Variants in PTPRN observed in about 807,000 individuals in gnomAD.
PTPRN encodes protein tyrosine phosphatase receptor type N.
A neutral mutation model predicts 108.5 loss-of-function variants in PTPRN; 70 were observed. The ratio of observed to expected loss-of-function variants is 0.65; its 90% confidence interval spans 0.53 to 0.79. The LOEUF (loss-of-function observed/expected upper bound fraction) is 0.79. Ranked by LOEUF, PTPRN falls within the 30% of genes least tolerant of loss-of-function variation. The pLI, the probability that PTPRN is intolerant of heterozygous loss-of-function variation, is 0.00. For missense variants in PTPRN, 1,136 were observed against 1,295.5 expected, an observed-to-expected ratio of 0.88 and a Z score of 1.89; for synonymous variants, 496 against 524.6, an observed-to-expected ratio of 0.95 and a Z score of 0.75.
intron 19 of PTPRN, among the ~76,000 whole-genome samples, chr2:219,294,640 G>A (rs889111967): frequency 6.6e-6 from 1 of 151,684 alleles, no homozygotes; most frequent in Non-Finnish European, 1.5e-5. Context: ...AAAGGAAGCA[G>A]GGGTCCTGGA....
intron 19 of PTPRN, chr2:219,291,739 C>T: frequency 3.4e-6 from 2 of 595,088 alleles, no homozygotes; most frequent in Non-Finnish European, 6.0e-6. Context: ...AGCTAGGTGC[C>T]CAAGCTATGC....
intron 3 of PTPRN, chr2:219,307,240 T>C: frequency 2.1e-6 from 1 of 485,650 alleles, no homozygotes; most frequent in Non-Finnish European, 3.6e-6. Context: ...AGTGACTTCT[T>C]CTTAGAAGGC....
intron 8 of PTPRN, 145 bp downstream of exon 8, chr2:219,300,798 T>C (rs1952327097): frequency 1.2e-6 from 1 of 833,664 alleles, no homozygotes; most frequent in South Asian, 1.6e-5. Context: ...CCTTAGGCAA[T>C]AACTTGCGGT....
chr2:219,299,298 T>C lies in PTPRN; in HGVS notation c.1603+7A>G. On this transcript the variant is annotated splice_region_variant and intron_variant, in intron 11 of 22. Coordinates refer to ENST00000295718, the MANE Select transcript of PTPRN (RefSeq NM_002846.4). ...AAGCCTGGGATTGAGGTCGCAGAGA[T>C]ATTTACCTGCTTGTTGGGTCACATC... 7 of 1,613,900 alleles carry C rather than the reference T, an allele frequency of 4.3e-6. No individual in the cohort carries two copies. Among genetic ancestry groups the C allele is most frequent in the Non-Finnish European group, 5.9e-6 (7 of 1,179,770 alleles).
At position 219,297,763 on chromosome 2, in the gene PTPRN, A is replaced by G; in HGVS notation, c.1887+122T>C. ...TCCCACTGGGGCTTCTCCAGCCTCC[A>G]CTGGACCTTCCCAGGGATGAGGGCT... On this transcript the variant is annotated intron_variant, in intron 13 of 22. Transcript: ENST00000295718. This position sits in a 1 kb window ranked among gnomAD's most constrained non-coding sequence, Gnocchi z 6.0. 1 of 1,210,474 alleles carries G rather than the reference A, an allele frequency of 8.3e-7. No homozygotes were observed. 75.0% of individuals were successfully genotyped at this position (1,210,474 alleles called of 1,614,324 possible).
At position 219,307,800 on chromosome 2, in the gene PTPRN, C is replaced by A. The variant is rs1952521385; in HGVS notation, c.158G>T (p.Cys53Phe). The A allele has an allele frequency of 1.5e-5, 24 of 1,614,088 alleles. No individual in the cohort carries two copies. The highest frequency in any genetic ancestry group is 2.0e-5 in the Non-Finnish European group (24 of 1,180,044). Residue 53 changes from cysteine (C) to phenylalanine (F), a missense_variant, in exon 2 of 23, where the codon TGT (cysteine) becomes TTT (phenylalanine). Transcript: ENST00000295718. ...DRRLCSHLEV[C>F]IQDGLFGQCQ... ...GCTTGGGCCTCACTCACCCTGAATACAGACTTCCAGGTGAGAGCAGAGCCT... is the reference window on the plus strand; with the variant it reads ...GCTTGGGCCTCACTCACCCTGAATAAAGACTTCCAGGTGAGAGCAGAGCCT...
At chr2:219,309,176 T>TCCCCCCC in intron 1 of PTPRN, 42 bp downstream of exon 1, 35 of 1,364,268 alleles carry the variant, frequency 2.6e-5, no homozygotes, top group Non-Finnish European at 2.9e-5. Context: ...CCCAAGCTGC[T>TCCCCCCC]CCCCGCCCCC....
chr2:219,297,186 C>T lies in PTPRN; in HGVS notation c.2088+47G>A. The T allele has an allele frequency of 6.2e-7, 1 of 1,610,950 alleles. No individual in the cohort carries two copies. Among genetic ancestry groups the T allele is most frequent in the Non-Finnish European group, 8.5e-7 (1 of 1,177,934 alleles). Reference sequence around the variant, plus strand: ...CCCACACAGCCAGCCTGGCCTCTCTCACCATCCCATTCCTTCACCCACTCT... The same window carrying T: ...CCCACACAGCCAGCCTGGCCTCTCTTACCATCCCATTCCTTCACCCACTCT... On this transcript the variant is annotated intron_variant, in intron 14 of 22. Coordinates refer to ENST00000295718, the MANE Select transcript of PTPRN (RefSeq NM_002846.4). The surrounding 1 kb of genome is among the most constrained non-coding windows in gnomAD (Gnocchi z 6.0).
intron 19 of PTPRN, chr2:219,292,992 C>G (rs1952085295): frequency 1.3e-5 from 2 of 152,178 alleles, no homozygotes; most frequent in Admixed American, 1.3e-4. Context: ...TTGTCTTCCA[C>G]AAAACCGGTC....
At chr2:219,295,978 A>C (rs1391308029) in intron 18 of PTPRN, 3 of 306,018 alleles carry the variant, frequency 9.8e-6, no homozygotes, top group Non-Finnish European at 1.5e-5. Context: ...TAGACAGGAC[A>C]CACACACACA....
Position 219,296,460 on chromosome 2 carries a change from A to G in PTPRN, c.2367T>C (p.His789=). ...CCACCTGCCAGAAGTCTGCGATGGTATGGGACAGCGGGCCCTGCGTGGCTA... is the reference window on the plus strand; with the variant it reads ...CCACCTGCCAGAAGTCTGCGATGGTGTGGGACAGCGGGCCCTGCGTGGCTA... ...AYIATQGPLS[H]TIADFWQMVW... The change falls in exon 17 of 23, where the codon CAT becomes CAC. Residue 789 remains histidine (H), a synonymous_variant. Transcript: ENST00000295718. This position sits in a 1 kb window ranked among gnomAD's most constrained non-coding sequence, Gnocchi z 6.0. 3.7e-6 allele frequency: 6 copies of G among 1,614,162 alleles called. No homozygotes were observed. The highest frequency in any genetic ancestry group is 2.5e-6 in the Non-Finnish European group (3 of 1,179,998).
intron 18 of PTPRN, chr2:219,295,616 G>A (rs1207605382): frequency 6.4e-6 from 1 of 155,230 alleles, no homozygotes; most frequent in Admixed American, 6.5e-5. Flanking sequence ...TCTTAGTGGG[G>A]ACTCACGTTC....
intron 3 of PTPRN, among the ~76,000 whole-genome samples, chr2:219,305,878 G>A (rs1177461894): frequency 5.9e-5 from 9 of 152,186 alleles, no homozygotes; most frequent in South Asian, 2.1e-4. Context: ...GGCTGAGCGC[G>A]GTTGCTCACA....
At position 219,300,069 on chromosome 2, in the gene PTPRN, A is replaced by C. The variant is rs1338180222; in HGVS notation, c.1352T>G (p.Leu451Arg). Reference sequence around the variant, plus strand: ...TGCCACCGTGGGCTGGCTCTGGCCCAGTGGGCTTTTCTTCTCTAGCAGGAC... The same window carrying C: ...TGCCACCGTGGGCTGGCTCTGGCCCCGTGGGCTTTTCTTCTCTAGCAGGAC... ...TPVLLEKKSP[L>R]GQSQPTVAGQ... Residue 451 changes from leucine to arginine, a missense_variant, in exon 9 of 23, where the codon CTG (leucine) becomes CGG (arginine). Physicochemically the swap from Leu to Arg is moderately radical, Grantham distance 102 (BLOSUM62 -2). Transcript: ENST00000295718. 1.9e-6 allele frequency: 3 copies of C among 1,614,162 alleles called. No individual in the cohort carries two copies. The highest frequency in any genetic ancestry group is 2.5e-6 in the Non-Finnish European group (3 of 1,180,018).
chr2:219,302,704 A>G lies in PTPRN; in HGVS notation c.511T>C (p.Ser171Pro), dbSNP rs1415873847. Residue 171 changes from serine (S) to proline (P), a missense_variant, in exon 5 of 23, where the codon TCC (serine) becomes CCC (proline). Coordinates refer to ENST00000295718, the MANE Select transcript of PTPRN (RefSeq NM_002846.4). ...TCAGCCTGCAGAGGGGACAGAGAGGAGCTGGCCCCAGCTCCACCTTTGCCC... is the reference window on the plus strand; with the variant it reads ...TCAGCCTGCAGAGGGGACAGAGAGGGGCTGGCCCCAGCTCCACCTTTGCCC... Reference protein sequence around the residue: ...PVGKGGAGASSSLSPLQAELL... With the variant: ...PVGKGGAGASPSLSPLQAELL... The G allele has an allele frequency of 1.2e-6, 2 of 1,612,888 alleles. No homozygotes were observed. Among genetic ancestry groups the G allele is most frequent in the African/African-American group, 2.7e-5 (2 of 74,798 alleles).
Position 219,299,743 on chromosome 2 carries a change from C to T in PTPRN, c.1480G>A (p.Ala494Thr). 6.2e-7 allele frequency: 1 copy of T among 1,610,090 alleles called. No individual in the cohort carries two copies. The highest frequency in any genetic ancestry group is 2.2e-5 in the East Asian group (1 of 44,766). Residue 494 changes from alanine (A) to threonine (T), a missense_variant, in exon 10 of 23, where the codon GCT becomes ACT. Transcript: ENST00000295718. ...CCTGAGGACATGTGCACATGCTCAG[C>T]CAGGATCTCCAGCAGCTTCACTCCT... is the stretch of plus-strand genomic sequence containing the variant. ...AAGVKLLEIL[A>T]EHVHMSSGSF...
At chr2:219,302,969 C>T in intron 4 of PTPRN, 132 bp from the exon 5 acceptor site, 1 of 1,033,848 alleles carries the variant, frequency 9.7e-7, no homozygotes, top group African/African-American at 1.6e-5. Context: ...ACTGAGTGAC[C>T]TCAGGGGAAG....
Position 219,298,056 on chromosome 2 carries a change from T to A in PTPRN, c.1716A>T (p.Ser572=), listed in dbSNP as rs1182919890. Reference sequence around the variant, plus strand: ...GAGTGAGCAGCACTGAGCGCATGGGTGAGGTGCTGTGCGCAGTTTGGGGAA... The same window carrying A: ...GAGTGAGCAGCACTGAGCGCATGGGAGAGGTGCTGTGCGCAGTTTGGGGAA... ...AVLPQTAHST[S]PMRSVLLTLV... Residue 572 remains serine, a synonymous_variant, in exon 13 of 23, where the codon TCA becomes TCT. Coordinates refer to ENST00000295718, the MANE Select transcript of PTPRN (RefSeq NM_002846.4). The A allele has an allele frequency of 5.0e-6, 8 of 1,613,824 alleles. No individual in the cohort carries two copies. The highest frequency in any genetic ancestry group is 6.8e-6 in the Non-Finnish European group (8 of 1,179,988).
At position 219,296,794 on chromosome 2, in the gene PTPRN, C is replaced by T. The variant is rs370898020; in HGVS notation, c.2265G>A (p.Val755=). The part of the protein sequence containing the change: ...PYDHARIKLK[V]ESSPSRSDYI... ...AATCGCTCCGAGAAGGGCTGCTCTC[C>T]ACCTTCAGTTTTATGCGGGCATGGT... is the stretch of plus-strand genomic sequence containing the variant. The change falls in exon 16 of 23, where the codon GTG becomes GTA. Residue 755 remains valine, a synonymous_variant. Coordinates refer to ENST00000295718, the MANE Select transcript of PTPRN (RefSeq NM_002846.4). This position sits in a 1 kb window ranked among gnomAD's most constrained non-coding sequence, Gnocchi z 6.0. The T allele has an allele frequency of 1.2e-5, 19 of 1,614,056 alleles. 1 individual carries two copies. The African/African-American group carries it at 2.3e-4, about 19-fold the overall frequency.
Sources: gnomAD v4.1 joint callset for allele counts (sites outside exome capture counted in the v4.1 genomes callset) on GRCh38, gnomAD v4.1.1 for gene constraint, Gnocchi (gnomAD v3.1) non-coding constraint, MANE v1.5 for transcripts, NCBI Gene and HGNC (gene_info 2026-07-23, HGNC 2026-07-21) for gene names.